MRTFB: variants seen among roughly 807,000 people sequenced by gnomAD.
MRTFB encodes the protein myocardin related transcription factor B, also known as myocardin-related transcription factor B.
MRTFB carries 29 observed loss-of-function variants against 104.2 expected under a neutral mutation model. The ratio of observed to expected loss-of-function variants is 0.28; its 90% confidence interval spans 0.21 to 0.38. MRTFB has a LOEUF of 0.38. Among genes scored for constraint, MRTFB ranks in the 10% least tolerant of loss-of-function variants. The pLI, the probability that MRTFB is intolerant of heterozygous loss-of-function variation, is 1.00. For synonymous variants in MRTFB, 535 were observed against 519.5 expected, an observed-to-expected ratio of 1.03 and a Z score of -0.41; for missense variants, 1,270 against 1,341.6, an observed-to-expected ratio of 0.95 and a Z score of 0.83.
At chr16:14,016,495 G>A in the MRTFB span, among the ~76,000 whole-genome samples, 1 of 152,050 alleles carries the variant, frequency 6.6e-6, no homozygotes, top group South Asian at 2.1e-4. Flanking sequence ...GACCTAGGCT[G>A]GGCGCGGTGG....
intron 3 of MRTFB, among the ~76,000 whole-genome samples, chr16:14,185,932 G>A (rs1339190341): frequency 1.3e-5 from 2 of 152,216 alleles, no homozygotes; most frequent in African/African-American, 4.8e-5. Flanking sequence ...ACAGCAGCCT[G>A]TGACTTGCAG....
At chr16:14,186,384 T>G (rs8054822) in intron 3 of MRTFB, among the ~76,000 whole-genome samples, 17,303 of 152,096 alleles carry the variant, frequency 0.11, 2,239 homozygotes, top group African/African-American at 0.32. Context: ...AATGAGTAAT[T>G]GATGTGCTTG....
rs1396342355 is a variant in MRTFB, at chr16:14,246,949, G to A, written c.1689G>A (p.Leu563=). The change falls in exon 12 of 17, where the codon CTG becomes CTA. Residue 563 remains leucine (L), a synonymous_variant. Coordinates refer to ENST00000571589, the MANE Select transcript of MRTFB (RefSeq NM_001308142.2). ...LSPTSSTLSN[L]ELDAAEKDRK... is the part of the protein sequence containing the mutation. ...CCACCAGCAGCACTCTGTCAAACCT[G>A]GAACTGGATGCAGCCGAAAAGGATC... is the stretch of plus-strand genomic sequence containing the variant. 1 of 1,614,112 alleles carries A rather than the reference G, an allele frequency of 6.2e-7. No homozygotes were observed. The highest frequency in any genetic ancestry group is 8.5e-7 in the Non-Finnish European group (1 of 1,180,046).
chr16:14,039,834 C>T, the MRTFB span, among the ~76,000 whole-genome samples: 11 of 150,744 alleles, frequency 7.3e-5, no homozygotes, highest in Middle Eastern at 6.8e-3. Flanking sequence ...CTGCAACCTC[C>T]GCCTCCCGGG....
At chr16:14,150,969 C>T (rs2038585243) in intron 3 of MRTFB, 1 of 152,148 alleles carries the variant, frequency 6.6e-6, no homozygotes, top group African/African-American at 2.4e-5. Context: ...TATGTGAGAA[C>T]CTCAAGAGAT....
chr16:14,110,090 T>G (rs1198201062), intron 2 of MRTFB, among the ~76,000 whole-genome samples: 1 of 152,210 alleles, frequency 6.6e-6, no homozygotes, highest in Non-Finnish European at 1.5e-5. Context: ...TACCTTGAAA[T>G]ATGGACTTAC....
At chr16:14,258,033 ACTG>A in intron 15 of MRTFB, 65 bp from the exon 16 acceptor site, 1 of 1,322,586 alleles carries the variant, frequency 7.6e-7, no homozygotes, top group Non-Finnish European at 1.1e-6. Flanking sequence ...GTCCCTTAGG[ACTG>A]CTAATTATAT....
In MRTFB at chr16:14,257,017, T is replaced by G. The variant is rs569126741; in HGVS notation, c.2704-1084T>G. Among the ~76,000 whole-genome samples, 10 of 152,238 alleles carry G rather than the reference T, an allele frequency of 6.6e-5. No individual in the cohort carries two copies. The South Asian group carries it at 2.1e-3, about 32-fold the overall frequency. On this transcript the variant is annotated intron_variant, in intron 15 of 16. Transcript: ENST00000571589. The stretch of plus-strand genomic sequence containing the variant: ...TCAACATCATTAGTCATTAGGGAAA[T>G]GCAAATTAAAACCCCTGTGCAATAC...
chr16:14,059,584 G>C, the MRTFB span, among the ~76,000 whole-genome samples: 1 of 152,178 alleles, frequency 6.6e-6, no homozygotes, highest in South Asian at 2.1e-4. Flanking sequence ...GCCATTTGCA[G>C]GGCCACACTG....
intron 8 of MRTFB, among the ~76,000 whole-genome samples, chr16:14,224,978 G>A (rs763983121): frequency 3.9e-5 from 6 of 152,108 alleles, no homozygotes; most frequent in Non-Finnish European, 8.8e-5. Flanking sequence ...CCTGAGGTCG[G>A]GAGTTCAAGA....
upstream of MRTFB, among the ~76,000 whole-genome samples, chr16:14,069,072 C>T (rs1193684837): frequency 6.7e-6 from 1 of 149,220 alleles, no homozygotes; most frequent in Non-Finnish European, 1.5e-5. Context: ...CAGGTTCAAG[C>T]GATTCTCCTG....
intron 3 of MRTFB, among the ~76,000 whole-genome samples, chr16:14,169,670 AT>A (rs1376273734): frequency 6.6e-6 from 1 of 152,202 alleles, no homozygotes; most frequent in East Asian, 1.9e-4. Context: ...ATACCTTAAA[AT>A]TTGTTTAAAT....
upstream of MRTFB, among the ~76,000 whole-genome samples, chr16:14,070,893 CCT>C (rs968902691): frequency 6.6e-6 from 1 of 152,230 alleles, no homozygotes; most frequent in Non-Finnish European, 1.5e-5. Context: ...CTCCATTTTT[CCT>C]CTCTCTAGAA....
chr16:14,123,865 G>A (rs2036973535), intron 2 of MRTFB, among the ~76,000 whole-genome samples: 1 of 152,108 alleles, frequency 6.6e-6, no homozygotes, highest in Non-Finnish European at 1.5e-5. Context: ...GGGCAGTGTG[G>A]CCATTTTCAC....
At chr16:14,141,861 CAG>C (rs531935692) in intron 3 of MRTFB, 1 of 144,450 alleles carries the variant, frequency 6.9e-6, no homozygotes, top group South Asian at 2.2e-4. Context: ...TTTTTTGAGA[CAG>C]AGTCTCACTC....
the MRTFB span, among the ~76,000 whole-genome samples, chr16:14,003,259 T>G: frequency 6.6e-6 from 1 of 151,954 alleles, no homozygotes; most frequent in African/African-American, 2.4e-5. Context: ...TGTGACGAGT[T>G]TTTTGTTTCT....
the MRTFB span, among the ~76,000 whole-genome samples, chr16:14,011,935 C>G: frequency 1.4e-4 from 21 of 152,240 alleles, no homozygotes; most frequent in Middle Eastern, 3.4e-3. Flanking sequence ...TACAGGGAAC[C>G]CACTTGGGAA....
intron 2 of MRTFB, among the ~76,000 whole-genome samples, chr16:14,115,722 A>G (rs1247270308): frequency 6.6e-6 from 1 of 152,194 alleles, no homozygotes; most frequent in Non-Finnish European, 1.5e-5. Flanking sequence ...TCAGATTCTG[A>G]TTTTGCTGCG....
At chr16:14,219,067 A>G in intron 8 of MRTFB, 69 bp downstream of exon 8, 1 of 1,387,608 alleles carries the variant, frequency 7.2e-7, no homozygotes, top group South Asian at 1.8e-5. Flanking sequence ...TATTAAGGTA[A>G]TACACTTTGA....
Sources: allele counts gnomAD v4.1 joint callset (sites outside exome capture counted in the v4.1 genomes callset), GRCh38; gene constraint gnomAD v4.1.1; transcripts MANE v1.5; gene names NCBI Gene and HGNC (gene_info 2026-07-23, HGNC 2026-07-21).